The following PRKCI variants were observed in gnomAD, a reference collection of about 807,000 sequenced individuals.
PRKCI encodes protein kinase C iota.
Under a neutral mutation model 84.0 loss-of-function variants are expected in PRKCI, and 43 were observed. The ratio of observed to expected loss-of-function variants is 0.51; its 90% CI spans 0.40 to 0.66. The LOEUF (loss-of-function observed/expected upper bound fraction) is 0.66. Ranked by LOEUF, PRKCI falls within the 30% of genes least tolerant of loss-of-function variation. The pLI is 0.00. For synonymous variants in PRKCI, 216 were observed against 234.4 expected (o/e 0.92, Z 0.72); for missense variants, 459 against 745.6 (o/e 0.62, Z 4.48).
At position 170,275,119 on chromosome 3, in the gene PRKCI, TA is replaced by T. The variant is rs1033150259; in HGVS notation, c.647-106del. 3.8e-6 allele frequency: 5 copies of T among 1,312,784 alleles called. No homozygotes were observed. The African/African-American group carries it at 7.5e-5, about 20-fold the overall frequency. 81.3% of individuals were successfully genotyped at this position (1,312,784 alleles called of 1,614,324 possible). On this transcript the variant is annotated intron_variant, in intron 7 of 17. Coordinates refer to ENST00000295797, the MANE Select transcript of PRKCI (RefSeq NM_002740.6). ...TGAAAATTTATTCAGAAGTAAAAAC[TA>T]AAATAAAAATCAGGAGACAATTTTT...
At chr3:170,273,464 T>C in intron 7 of PRKCI, 124 bp downstream of exon 7, 1 of 891,772 alleles carries the variant, frequency 1.1e-6, no homozygotes, top group Non-Finnish European at 1.7e-6. Context: ...TAAATACATA[T>C]ATTTTGTAGT....
chr3:170,270,614 C>T (rs75094234), intron 6 of PRKCI, 53 bp downstream of exon 6: 29,407 of 1,512,506 alleles, frequency 0.019, 408 homozygotes, highest in East Asian at 0.078. Context: ...TGCTTGATAA[C>T]ACTGCTATAA....
At chr3:170,252,641 C>T (rs910859767) in intron 2 of PRKCI, among the ~76,000 whole-genome samples, 1 of 150,496 alleles carries the variant, frequency 6.6e-6, no homozygotes, top group African/African-American at 2.4e-5. Flanking sequence ...CACTCTTGCT[C>T]AGGCTGGAGT....
intron 1 of PRKCI, among the ~76,000 whole-genome samples, chr3:170,230,711 C>T (rs1162865106): frequency 2.0e-5 from 3 of 151,576 alleles, no homozygotes; most frequent in Non-Finnish European, 4.4e-5. Flanking sequence ...ACTGACACAA[C>T]TTTTTTTTTC....
chr3:170,247,224 GT>G (rs927368598), intron 2 of PRKCI, among the ~76,000 whole-genome samples: 119 of 148,150 alleles, frequency 8.0e-4, no homozygotes, highest in African/African-American at 2.6e-3. Flanking sequence ...TACTTTTTTA[GT>G]TTTTTTTTTA....
chr3:170,226,658 TGAA>T (rs1254231483), intron 1 of PRKCI, among the ~76,000 whole-genome samples: 3 of 152,160 alleles, frequency 2.0e-5, no homozygotes, highest in Non-Finnish European at 4.4e-5. Flanking sequence ...GCTGCTTCAG[TGAA>T]GAAGTATGTA....
chr3:170,261,005 G>T (rs1268192411), intron 3 of PRKCI, among the ~76,000 whole-genome samples: 2 of 151,732 alleles, frequency 1.3e-5, no homozygotes, highest in East Asian at 3.9e-4. Context: ...TGCCCAGGCT[G>T]GAGTGCATTG....
intron 6 of PRKCI, among the ~76,000 whole-genome samples, chr3:170,271,439 A>G (rs367871554): frequency 1.6e-4 from 25 of 152,338 alleles, no homozygotes; most frequent in African/African-American, 6.0e-4. Context: ...TCAAATATCC[A>G]GTAAGTGTTC....
In PRKCI at chr3:170,294,701, T is replaced by G. The variant is rs1734651082; in HGVS notation, c.1417+1193T>G. 2.0e-5 allele frequency among the ~76,000 whole-genome samples: 3 copies of G among 152,182 alleles called. No homozygotes were observed. The South Asian group carries it at 6.2e-4, about 32-fold the overall frequency. On this transcript the variant is annotated intron_variant, in intron 14 of 17. Coordinates refer to ENST00000295797, the MANE Select transcript of PRKCI (RefSeq NM_002740.6). Reference sequence around the variant, plus strand: ...ACCTCATAACAATCCTATGAAGTATTTTTTTATTCCTATTTTACAGATGAG... The same window carrying G: ...ACCTCATAACAATCCTATGAAGTATGTTTTTATTCCTATTTTACAGATGAG...
chr3:170,278,568 A>G (rs1394131035), intron 8 of PRKCI, among the ~76,000 whole-genome samples: 1 of 152,224 alleles, frequency 6.6e-6, no homozygotes, highest in Non-Finnish European at 1.5e-5. Flanking sequence ...AGGCAGGAGG[A>G]TCACTTGAGC....
intron 17 of PRKCI, among the ~76,000 whole-genome samples, chr3:170,301,659 C>A (rs1734822470): frequency 6.6e-6 from 1 of 152,106 alleles, no homozygotes; most frequent in Non-Finnish European, 1.5e-5. Context: ...ATTATTTCAT[C>A]ATTTACATCA....
intron 6 of PRKCI, 35 bp downstream of exon 6, chr3:170,270,596 T>TA (rs1553842398): frequency 1.3e-6 from 2 of 1,507,562 alleles, no homozygotes; most frequent in Admixed American, 2.0e-5. Context: ...TTTTTTTTTT[T>TA]AAGAGCGTGC....
intron 12 of PRKCI, among the ~76,000 whole-genome samples, chr3:170,287,191 C>T (rs1241467053): frequency 2.6e-5 from 4 of 151,864 alleles, no homozygotes; most frequent in Non-Finnish European, 5.9e-5. Context: ...GAAAATTACA[C>T]TGGGTTGGTT....
intron 12 of PRKCI, among the ~76,000 whole-genome samples, chr3:170,288,424 C>A (rs925557084): frequency 6.6e-6 from 1 of 152,084 alleles, no homozygotes; most frequent in Non-Finnish European, 1.5e-5. Flanking sequence ...AAATGTCCTC[C>A]TACCTCCCTT....
chr3:170,282,873 G>A (rs1032224346), intron 11 of PRKCI, among the ~76,000 whole-genome samples: 9 of 151,866 alleles, frequency 5.9e-5, no homozygotes, highest in Non-Finnish European at 7.4e-5. Flanking sequence ...TTGGGAGGCC[G>A]AGGCGGGTGG....
chr3:170,243,910 G>C (rs914748687), intron 2 of PRKCI, among the ~76,000 whole-genome samples: 1 of 152,140 alleles, frequency 6.6e-6, no homozygotes, highest in African/African-American at 2.4e-5. Context: ...TGGAGGCCTG[G>C]GAGAAAAAGG....
chr3:170,233,579 A>ATGT (rs1732859296), intron 1 of PRKCI, among the ~76,000 whole-genome samples: 1 of 152,180 alleles, frequency 6.6e-6, no homozygotes, highest in African/African-American at 2.4e-5. Flanking sequence ...TGATTGTGGA[A>ATGT]TGTTATGAAC....
chr3:170,225,894 TTTTTA>T (rs1049879468), intron 1 of PRKCI, among the ~76,000 whole-genome samples: 6 of 151,986 alleles, frequency 3.9e-5, no homozygotes, highest in East Asian at 1.9e-4. Context: ...TTTTTTCTAA[TTTTTA>T]TTTTATTTTA....
At chr3:170,263,547 A>G (rs1380942396) in intron 4 of PRKCI, 118 bp downstream of exon 4, 1 of 775,962 alleles carries the variant, frequency 1.3e-6, no homozygotes, top group Non-Finnish European at 2.0e-6. Context: ...AATGCCTGTA[A>G]TCCCAGCACT....
Sources: allele counts gnomAD v4.1 joint callset (sites outside exome capture counted in the v4.1 genomes callset), GRCh38; gene constraint gnomAD v4.1.1; transcripts MANE v1.5; gene names NCBI Gene and HGNC (gene_info 2026-07-23, HGNC 2026-07-21).